The following TRIM5 variants were observed in gnomAD, a reference collection of about 807,000 sequenced individuals.
The protein encoded by TRIM5 is tripartite motif containing 5.
Under a neutral mutation model 35.6 loss-of-function variants are expected in TRIM5, and 31 were observed. The observed-to-expected ratio is 0.87, with a 90% CI of 0.65 to 1.18. The LOEUF (loss-of-function observed/expected upper bound fraction) is 1.18, where lower values mean the gene tolerates loss of function less well. Among genes scored for constraint, TRIM5 ranks in the 50% most tolerant of loss-of-function variants. The probability of loss-of-function intolerance (pLI) is 0.00; values close to 1 mark genes in which losing one functional copy is unlikely to be tolerated. For synonymous variants in TRIM5, 243 were observed against 215.6 expected (o/e 1.13, Z -1.11); for missense variants, 609 against 591.6 (o/e 1.03, Z -0.31).
At chr11:5,660,600 T>C (rs919421300), downstream of TRIM5, among the ~76,000 whole-genome samples, 7 of 152,334 alleles carry the variant, frequency 4.6e-5, no homozygotes, top group African/African-American at 1.7e-4. Flanking sequence ...TCTTTAACTA[T>C]ATGTTAAATT....
the TRIM5 span, among the ~76,000 whole-genome samples, chr11:5,594,303 T>C: frequency 6.6e-6 from 1 of 151,974 alleles, no homozygotes; most frequent in Non-Finnish European, 1.5e-5. Context: ...TTTCATTCTG[T>C]TTTTTGTTTT....
chr11:5,647,787 CTGGGA>C, the TRIM5 span, among the ~76,000 whole-genome samples: 1 of 152,164 alleles, frequency 6.6e-6, no homozygotes, highest in Non-Finnish European at 1.5e-5. Flanking sequence ...TCCCAAAGTG[CTGGGA>C]TTATAAGCGT....
At chr11:5,643,470 G>A in the TRIM5 span, 1 of 1,614,080 alleles carries the variant, frequency 6.2e-7, no homozygotes, top group Non-Finnish European at 8.5e-7. Context: ...TAAGTATGGT[G>A]TCTTTGAAGA....
chr11:5,610,329 T>C, the TRIM5 span: 7 of 1,595,668 alleles, frequency 4.4e-6, no homozygotes, highest in Admixed American at 1.7e-5. Flanking sequence ...TAGTCGGTAT[T>C]TGAGCATAGT....
chr11:5,650,128 G>A, the TRIM5 span, among the ~76,000 whole-genome samples: 4 of 152,198 alleles, frequency 2.6e-5, no homozygotes, highest in Admixed American at 2.0e-4. Context: ...TTGGAGAAAC[G>A]TTGTGTGTAT....
the TRIM5 span, among the ~76,000 whole-genome samples, chr11:5,600,056 G>T: frequency 6.6e-6 from 1 of 152,216 alleles, no homozygotes; most frequent in Admixed American, 6.5e-5. Context: ...CAGACTCTCA[G>T]ATGATAGGTA....
the TRIM5 span, among the ~76,000 whole-genome samples, chr11:5,613,812 G>C: frequency 2.0e-5 from 3 of 152,196 alleles, no homozygotes; most frequent in Non-Finnish European, 1.5e-5. Flanking sequence ...AAATGTGAGT[G>C]CTTGCTAGAG....
the TRIM5 span, chr11:5,604,410 T>G: frequency 9.2e-7 from 1 of 1,081,138 alleles, no homozygotes. Context: ...CCTCTCAAGT[T>G]TTCATCCTAG....
chr11:5,618,507 G>A, the TRIM5 span, among the ~76,000 whole-genome samples: 2 of 152,126 alleles, frequency 1.3e-5, no homozygotes, highest in South Asian at 2.1e-4. Flanking sequence ...TCTAGCTTAC[G>A]TGACCAAGAT....
the TRIM5 span, among the ~76,000 whole-genome samples, chr11:5,625,601 C>A: frequency 1.6e-4 from 25 of 152,248 alleles, no homozygotes; most frequent in African/African-American, 5.8e-4. Context: ...CACTAAGGGG[C>A]TTTCTGTGGC....
the TRIM5 span, among the ~76,000 whole-genome samples, chr11:5,646,966 C>T: frequency 1.3e-5 from 2 of 152,088 alleles, no homozygotes; most frequent in Non-Finnish European, 2.9e-5. Context: ...ACTTTGGTGC[C>T]TTAACAAAAC....
intron 4 of TRIM5, among the ~76,000 whole-genome samples, chr11:5,670,344 A>T (rs146848329): frequency 4.0e-5 from 6 of 149,192 alleles, no homozygotes; most frequent in Admixed American, 6.7e-5. Context: ...CACCCAGCTA[A>T]TTTTTTTTTC....
the TRIM5 span, among the ~76,000 whole-genome samples, chr11:5,631,226 A>ACC: frequency 4.0e-5 from 6 of 151,230 alleles, no homozygotes; most frequent in Non-Finnish European, 8.8e-5. Context: ...CAAACACAAG[A>ACC]CCCCCCCAGA....
the TRIM5 span, among the ~76,000 whole-genome samples, chr11:5,606,809 A>C: frequency 6.6e-6 from 1 of 152,126 alleles, no homozygotes; most frequent in African/African-American, 2.4e-5. Context: ...GGACATTTAA[A>C]CTTGAGTAGT....
At chr11:5,611,151 A>G in the TRIM5 span, 1 of 1,614,140 alleles carries the variant, frequency 6.2e-7, no homozygotes, top group Non-Finnish European at 8.5e-7. Context: ...GCTTCTCTCC[A>G]TGACAGTGCC....
the TRIM5 span, among the ~76,000 whole-genome samples, chr11:5,615,933 A>ATTTTTT: frequency 8.2e-6 from 1 of 121,384 alleles, no homozygotes; most frequent in Admixed American, 8.9e-5. Context: ...ATATCTTTTC[A>ATTTTTT]TTTTTTTTTT....
At chr11:5,632,309 G>A in the TRIM5 span, 1 of 1,614,048 alleles carries the variant, frequency 6.2e-7, no homozygotes, top group Non-Finnish European at 8.5e-7. Flanking sequence ...GTTAGGACCA[G>A]AAGAAGCCAG....
At chr11:5,663,116 C>G (rs899362710), downstream of TRIM5, 9 of 569,176 alleles carry the variant, frequency 1.6e-5, no homozygotes, top group Admixed American at 2.9e-4. Context: ...CAGAGACAAA[C>G]CCTGTCTCAA....
the TRIM5 span, among the ~76,000 whole-genome samples, chr11:5,606,783 A>T: frequency 1.3e-5 from 2 of 152,360 alleles, no homozygotes; most frequent in African/African-American, 4.8e-5. Flanking sequence ...CACATTCATT[A>T]GTATGACTGC....
Sources: allele counts gnomAD v4.1 joint callset (sites outside exome capture counted in the v4.1 genomes callset), GRCh38; gene constraint gnomAD v4.1.1; transcripts MANE v1.5; gene names NCBI Gene and HGNC (gene_info 2026-07-23, HGNC 2026-07-21).